The following MEIOB variants were observed in gnomAD, a reference collection of about 807,000 sequenced individuals.
MEIOB encodes meiosis specific with OB-fold.
In MEIOB, 50 loss-of-function variants were observed where a neutral mutation model predicts 53.1. That is an observed-to-expected ratio of 0.94 (90% CI 0.75 to 1.19). The LOEUF (loss-of-function observed/expected upper bound fraction) is 1.19. MEIOB is among the 50% of genes most tolerant of loss of function. MEIOB has a pLI of 0.00. For synonymous variants in MEIOB, 192 were observed against 182.5 expected (o/e 1.05, Z -0.42); for missense variants, 551 against 550.8 (o/e 1.00, Z 0.00).
chr16:1,863,424 T>C (rs1899504364), intron 3 of MEIOB, among the ~76,000 whole-genome samples: 1 of 151,664 alleles, frequency 6.6e-6, no homozygotes, highest in African/African-American at 2.4e-5. Context: ...TTCGCTCTTG[T>C]TACCCAGGCT....
chr16:1,859,124 G>A (rs1023079541), intron 5 of MEIOB, among the ~76,000 whole-genome samples: 6 of 152,192 alleles, frequency 3.9e-5, no homozygotes, highest in Non-Finnish European at 7.3e-5. Context: ...GACCATTAGC[G>A]CTACCACAAA....
intron 5 of MEIOB, among the ~76,000 whole-genome samples, chr16:1,859,851 G>C (rs1294430992): frequency 6.6e-6 from 1 of 152,180 alleles, no homozygotes; most frequent in Non-Finnish European, 1.5e-5. Context: ...GGTTTGGGGA[G>C]TGGATGGACT....
At chr16:1,862,180 A>G (rs1436760175) in intron 3 of MEIOB, 64 bp from the exon 4 acceptor site, 4 of 1,344,522 alleles carry the variant, frequency 3.0e-6, no homozygotes, top group Non-Finnish European at 4.1e-6. Flanking sequence ...CTGCCTTTTG[A>G]TAAGTGTTAC....
rs60537424 is a variant in MEIOB, at chr16:1,866,443, G to A, written c.70-608C>T. ...GTGTTTTAAGAAATAAAAATGGGCC[G>A]GGTGTGTTGGCTCACACGTGTAATC... On this transcript the variant is annotated intron_variant, in intron 2 of 13. Coordinates refer to ENST00000325962, the MANE Select transcript of MEIOB (RefSeq NM_001163560.3). Among the ~76,000 whole-genome samples, 843 of 152,180 alleles carry A rather than the reference G, an allele frequency of 5.5e-3. 28 individuals are homozygous for A. In the East Asian group the frequency reaches 0.093, roughly 17 times the overall value.
Position 1,862,074 on chromosome 16 carries a change from T to A in MEIOB, c.170A>T (p.Asp57Val). The stretch of plus-strand genomic sequence containing the variant: ...TGCATTTACAAAATGTGCTGGTGAA[T>A]CCCGAATGGTGAAGCTGAAAGTGTA... ...ERYTFSFTIR[D>V]SPAHFVNAAS... Residue 57 changes from aspartate (D) to valine (V), a missense_variant, in exon 4 of 14, where the codon GAT (aspartate) becomes GTT (valine). Coordinates refer to ENST00000325962, the MANE Select transcript of MEIOB (RefSeq NM_001163560.3). The A allele has an allele frequency of 6.4e-7, 1 of 1,551,396 alleles. No individual in the cohort carries two copies. The highest frequency in any genetic ancestry group is 8.7e-7 in the Non-Finnish European group (1 of 1,146,736).
intron 13 of MEIOB, chr16:1,837,558 T>A (rs1898783594): frequency 9.2e-6 from 3 of 325,916 alleles, no homozygotes; most frequent in Non-Finnish European, 1.7e-5. Flanking sequence ...TAAAGGATAT[T>A]TTCTTTGTTG....
chr16:1,867,525 G>C (rs1057273955), intron 2 of MEIOB, among the ~76,000 whole-genome samples: 2 of 127,994 alleles, frequency 1.6e-5, no homozygotes, highest in South Asian at 4.9e-4. Context: ...GCCCAGGCTG[G>C]AGTGCAATGG....
rs763068665 is a variant in MEIOB, at chr16:1,853,026, C to A, written c.778+13G>T. 5 of 1,560,636 alleles carry A rather than the reference C, an allele frequency of 3.2e-6. No homozygotes were observed. Among genetic ancestry groups the A allele is most frequent in the Non-Finnish European group, 4.4e-6 (5 of 1,133,300 alleles). ...ATTTCCAAAGGGATAAAAGGTTTCA[C>A]AAAGTTTTTTACCTGGATTAGTTGT... On this transcript the variant is annotated intron_variant, in intron 9 of 13. Coordinates refer to ENST00000325962, the MANE Select transcript of MEIOB (RefSeq NM_001163560.3).
At chr16:1,863,788 C>T (rs1226964357) in intron 3 of MEIOB, among the ~76,000 whole-genome samples, 2 of 151,906 alleles carry the variant, frequency 1.3e-5, no homozygotes, top group Non-Finnish European at 2.9e-5. Context: ...AAATTATGTG[C>T]TACTTAATGA....
At chr16:1,865,381 G>A (rs141432997) in intron 3 of MEIOB, among the ~76,000 whole-genome samples, 1,599 of 150,522 alleles carry the variant, frequency 0.011, 26 homozygotes, top group African/African-American at 0.037. Context: ...GCAGTGAGTC[G>A]AGATCGTGCC....
intron 9 of MEIOB, among the ~76,000 whole-genome samples, chr16:1,849,854 C>T (rs1401297706): frequency 6.6e-6 from 1 of 152,040 alleles, no homozygotes; most frequent in East Asian, 1.9e-4. Flanking sequence ...TACGTGTTCT[C>T]ACCACAAAAA....
chr16:1,838,025 C>A, intron 12 of MEIOB, 155 bp from the exon 13 acceptor site: 3 of 1,374,034 alleles, frequency 2.2e-6, no homozygotes, highest in South Asian at 1.6e-5. Context: ...GAGACAGGGT[C>A]TCACTCTGTC....
At chr16:1,864,490 T>TCC (rs1567281520) in intron 3 of MEIOB, among the ~76,000 whole-genome samples, 8 of 146,072 alleles carry the variant, frequency 5.5e-5, no homozygotes, top group African/African-American at 1.8e-4. Flanking sequence ...TTCTTTTCTT[T>TCC]TTTTTTTTTT....
intron 11 of MEIOB, 139 bp downstream of exon 11, chr16:1,841,679 TAC>T (rs1346208664): frequency 8.5e-6 from 4 of 472,808 alleles, no homozygotes; most frequent in Non-Finnish European, 1.0e-5. Flanking sequence ...AACTTTTCAG[TAC>T]AGTTTTTTAC....
At chr16:1,842,657 T>G (rs568249735) in intron 10 of MEIOB, among the ~76,000 whole-genome samples, 204 of 143,884 alleles carry the variant, frequency 1.4e-3, no homozygotes, top group African/African-American at 5.0e-3. Flanking sequence ...TTTATTATTA[T>G]TTTCATTTTT....
intron 7 of MEIOB, 83 bp from the exon 8 acceptor site, chr16:1,853,354 A>C: frequency 8.6e-7 from 1 of 1,157,102 alleles, no homozygotes; most frequent in Non-Finnish European, 1.2e-6. Context: ...ACAATAAAAG[A>C]AAGCTTCAGT....
chr16:1,838,178 T>G, intron 12 of MEIOB: 1 of 483,708 alleles, frequency 2.1e-6, no homozygotes, highest in Non-Finnish European at 3.7e-6. Flanking sequence ...TGTTTTATGT[T>G]TTGTAGAGAC....
rs80112187 is a variant in MEIOB at position 1,863,085 on chromosome 16, G to T, written c.128-969C>A. On this transcript the variant is annotated intron_variant, in intron 3 of 13. Transcript: ENST00000325962. Reference sequence around the variant, plus strand: ...CTCTACAGAAAATTTTAAAATTAGTGGTGGCACTCATCTTTAGTCTCAGCT... The same window carrying T: ...CTCTACAGAAAATTTTAAAATTAGTTGTGGCACTCATCTTTAGTCTCAGCT... Among the ~76,000 whole-genome samples, 808 of 151,956 alleles carry T rather than the reference G, an allele frequency of 5.3e-3. 28 individuals are homozygous for T. In the East Asian group the frequency reaches 0.093, roughly 17 times the overall value.
At chr16:1,843,763 G>A (rs1898968261) in intron 10 of MEIOB, among the ~76,000 whole-genome samples, 1 of 150,258 alleles carries the variant, frequency 6.7e-6, no homozygotes, top group African/African-American at 2.4e-5. Flanking sequence ...CACAACATTA[G>A]TGAGGATGTG....
Sources: gnomAD v4.1 joint callset for allele counts (sites outside exome capture counted in the v4.1 genomes callset) on GRCh38, gnomAD v4.1.1 for gene constraint, MANE v1.5 for transcripts, NCBI Gene and HGNC (gene_info 2026-07-23, HGNC 2026-07-21) for gene names.